HDAC9: variants seen among roughly 807,000 people sequenced by gnomAD.
HDAC9 encodes MEF-2 interacting transcription repressor (MITR) protein.
A neutral mutation model predicts 139.4 loss-of-function variants in HDAC9; 41 were observed. The ratio of observed to expected loss-of-function variants is 0.29; its 90% CI spans 0.23 to 0.38. The LOEUF is 0.38. Among genes scored for constraint, HDAC9 ranks in the 10% least tolerant of loss-of-function variants. The pLI is 1.00. For missense variants in HDAC9, 1,147 were observed against 1,297.0 expected (o/e 0.88, Z 1.78); for synonymous variants, 517 against 476.2 (o/e 1.09, Z -1.12).
At chr7:18,972,936 GTAAT>G (rs1784339160) in intron 24 of HDAC9, among the ~76,000 whole-genome samples, 1 of 152,144 alleles carries the variant, frequency 6.6e-6, no homozygotes, top group African/African-American at 2.4e-5. Flanking sequence ...TCTTTAGTAA[GTAAT>G]CTGCAATATA....
chr7:18,715,378 C>A (rs1192444457), intron 12 of HDAC9, among the ~76,000 whole-genome samples: 2 of 151,934 alleles, frequency 1.3e-5, no homozygotes, highest in African/African-American at 4.8e-5. Context: ...CAGTAATTGG[C>A]TCCTAGTTCA....
At chr7:18,697,805 T>C (rs1319170876) in intron 12 of HDAC9, among the ~76,000 whole-genome samples, 1 of 152,148 alleles carries the variant, frequency 6.6e-6, no homozygotes. Flanking sequence ...GTAGATTTTT[T>C]TTTTTGTTAT....
intron 22 of HDAC9, among the ~76,000 whole-genome samples, chr7:18,910,049 T>C (rs1372206979): frequency 6.6e-6 from 1 of 151,918 alleles, no homozygotes. Context: ...GAGAGTGGGG[T>C]GTTGAAGTCC....
intron 2 of HDAC9, among the ~76,000 whole-genome samples, chr7:18,277,724 T>C (rs1241126548): frequency 1.3e-5 from 2 of 152,172 alleles, no homozygotes; most frequent in Non-Finnish European, 2.9e-5. Flanking sequence ...AATATGGGAA[T>C]ATTTTCAGGT....
chr7:18,873,478 CAT>C (rs1287363384), intron 21 of HDAC9, among the ~76,000 whole-genome samples: 1 of 152,054 alleles, frequency 6.6e-6, no homozygotes, highest in African/African-American at 2.4e-5. Context: ...TATGCAATAA[CAT>C]TTTTTAAATA....
At chr7:18,491,478 C>T (rs1796360088), upstream of HDAC9, among the ~76,000 whole-genome samples, 1 of 151,842 alleles carries the variant, frequency 6.6e-6, no homozygotes, top group Non-Finnish European at 1.5e-5. Context: ...TAACTGTAGT[C>T]ATCTTAAATT....
chr7:18,479,897 A>G (rs1795410077), intron 1 of HDAC9, among the ~76,000 whole-genome samples: 1 of 151,564 alleles, frequency 6.6e-6, no homozygotes, highest in South Asian at 2.1e-4. Context: ...ACACTCAGTT[A>G]TCCTAGATTG....
intron 12 of HDAC9, among the ~76,000 whole-genome samples, chr7:18,691,165 G>A (rs1472365700): frequency 6.6e-6 from 1 of 151,736 alleles, no homozygotes; most frequent in Non-Finnish European, 1.5e-5. Flanking sequence ...TGTCTGAGAC[G>A]GTGCATTCAG....
intron 24 of HDAC9, among the ~76,000 whole-genome samples, chr7:18,958,409 G>A (rs576650199): frequency 6.2e-4 from 94 of 152,258 alleles, no homozygotes; most frequent in African/African-American, 2.1e-3. Context: ...AGAGATGTTA[G>A]CACTCCCATG....
At chr7:18,712,465 T>A (rs1784416164) in intron 12 of HDAC9, among the ~76,000 whole-genome samples, 1 of 152,226 alleles carries the variant, frequency 6.6e-6, no homozygotes, top group Non-Finnish European at 1.5e-5. Context: ...TGTCAATTTA[T>A]AAATAGCTAC....
At chr7:18,656,110 T>A (rs569580419) in intron 11 of HDAC9, among the ~76,000 whole-genome samples, 1 of 151,972 alleles carries the variant, frequency 6.6e-6, no homozygotes, top group East Asian at 1.9e-4. Context: ...TTTTTTCCTG[T>A]ATCTTTCAGC....
At chr7:18,503,652 G>A (rs1234853302) in intron 2 of HDAC9, among the ~76,000 whole-genome samples, 2 of 152,132 alleles carry the variant, frequency 1.3e-5, no homozygotes, top group African/African-American at 4.8e-5. Context: ...AAGGAAGAAA[G>A]AAATTTACCA....
At chr7:18,728,406 C>CAG (rs1169386494) in intron 13 of HDAC9, among the ~76,000 whole-genome samples, 1 of 10,904 alleles carries the variant, frequency 9.2e-5, no homozygotes, top group Non-Finnish European at 1.7e-4. Flanking sequence ...GTGTGGAACA[C>CAG]ACACACACAC....
intron 2 of HDAC9, among the ~76,000 whole-genome samples, chr7:18,258,822 G>T (rs1243383564): frequency 6.6e-6 from 1 of 152,090 alleles, no homozygotes; most frequent in Non-Finnish European, 1.5e-5. Flanking sequence ...TTCAACTCCA[G>T]TATTTTAGAC....
At chr7:18,096,571 G>A (rs1325125085) in intron 1 of HDAC9, among the ~76,000 whole-genome samples, 4 of 152,084 alleles carry the variant, frequency 2.6e-5, no homozygotes, top group Non-Finnish European at 5.9e-5. Context: ...ATGTTAATTG[G>A]CCACTTAAAA....
chr7:18,570,496 T>G (rs1823920343), intron 2 of HDAC9, among the ~76,000 whole-genome samples: 1 of 152,248 alleles, frequency 6.6e-6, no homozygotes, highest in Non-Finnish European at 1.5e-5. Flanking sequence ...CAGTCTCATC[T>G]GTATCAAGGC....
At chr7:18,307,738 G>T (rs62449149) in intron 1 of HDAC9, among the ~76,000 whole-genome samples, 32,535 of 152,076 alleles carry the variant, frequency 0.21, 3,621 homozygotes, top group Middle Eastern at 0.24. Flanking sequence ...AGGAGGCAGA[G>T]GTTGCAGTGA....
intron 12 of HDAC9, chr7:18,667,752 A>G (rs780750786): frequency 4.2e-4 from 415 of 984,476 alleles, no homozygotes; most frequent in Non-Finnish European, 4.9e-4. Flanking sequence ...AGGGCACTCT[A>G]TGAATTGATT....
At chr7:18,353,840 G>A (rs1783046577) in intron 1 of HDAC9, among the ~76,000 whole-genome samples, 1 of 152,180 alleles carries the variant, frequency 6.6e-6, no homozygotes, top group Non-Finnish European at 1.5e-5. Context: ...ACCACCTGGT[G>A]TAAGGGATAG....
Sources: gnomAD v4.1 joint callset for allele counts (sites outside exome capture counted in the v4.1 genomes callset) on GRCh38, gnomAD v4.1.1 for gene constraint, MANE v1.5 for transcripts, NCBI Gene and HGNC (gene_info 2026-07-23, HGNC 2026-07-21) for gene names.